The following KANK1 variants were observed in gnomAD, a reference collection of about 807,000 sequenced individuals.
KANK1 encodes KN motif and ankyrin repeat domain-containing protein 1.
In KANK1, 109 loss-of-function variants were observed where a neutral mutation model predicts 106.2. The ratio of observed to expected loss-of-function variants is 1.03; its 90% CI spans 0.88 to 1.20. The LOEUF (loss-of-function observed/expected upper bound fraction) is 1.20, where lower values mean the gene tolerates loss of function less well. KANK1 is among the 50% of genes most tolerant of loss of function. The probability of loss-of-function intolerance (pLI) is 0.00; values close to 1 mark genes in which losing one functional copy is unlikely to be tolerated. For missense variants in KANK1, 2,399 were observed against 1,710.7 expected, an observed-to-expected ratio of 1.40 and a Z score of -7.10; for synonymous variants, 873 against 652.2, an observed-to-expected ratio of 1.34 and a Z score of -5.16.
Position 482,684 on chromosome 9 carries a change from C to T in KANK1, c.-362+9411C>T, listed in dbSNP as rs1158339329. 4.6e-5 allele frequency among the ~76,000 whole-genome samples: 7 copies of T among 152,166 alleles called. No homozygotes were observed. The East Asian group carries it at 1.3e-3, about 29-fold the overall frequency. ...CCATTCATATGGATGTGTAAATGCA[C>T]CCTCAATGGCACAGAATCACCTGCT... On this transcript the variant is annotated intron_variant, in intron 3 of 15. Transcript: ENST00000382303.
intron 1 of KANK1, among the ~76,000 whole-genome samples, chr9:554,476 G>A (rs1211600016): frequency 3.3e-5 from 5 of 152,152 alleles, no homozygotes; most frequent in African/African-American, 4.8e-5. Flanking sequence ...AAAAAAGTGC[G>A]GTTTGTGGCC....
intron 1 of KANK1, among the ~76,000 whole-genome samples, chr9:654,100 T>C (rs1841540017): frequency 6.6e-6 from 1 of 152,130 alleles, no homozygotes; most frequent in African/African-American, 2.4e-5. Context: ...TAAGAGCAGA[T>C]CGTTTTTACT....
chr9:696,672 C>T (rs372179040), intron 2 of KANK1, among the ~76,000 whole-genome samples: 1 of 152,092 alleles, frequency 6.6e-6, no homozygotes, highest in Non-Finnish European at 1.5e-5. Context: ...GTTGACATTT[C>T]GTGCCACAGA....
At chr9:674,210 AC>A (rs946452749) in intron 1 of KANK1, 5 of 152,102 alleles carry the variant, frequency 3.3e-5, no homozygotes, top group Non-Finnish European at 7.3e-5. Flanking sequence ...TCAGGTGATT[AC>A]CCCTTCATCA....
intron 3 of KANK1, among the ~76,000 whole-genome samples, chr9:474,301 A>G (rs1201715366): frequency 6.6e-6 from 1 of 152,084 alleles, no homozygotes; most frequent in Non-Finnish European, 1.5e-5. Context: ...AGCCATATGG[A>G]CTAGTATTTA....
chr9:584,677 CAAAACCAGGCATG>C (rs1235484220), intron 1 of KANK1, among the ~76,000 whole-genome samples: 1 of 152,104 alleles, frequency 6.6e-6, no homozygotes, highest in African/African-American at 2.4e-5. Context: ...GTTAGGGAAC[CAAAACCAGGCATG>C]TGAGGATGGT....
chr9:489,083 G>A (rs1488332138), intron 3 of KANK1: 2 of 152,118 alleles, frequency 1.3e-5, no homozygotes, highest in African/African-American at 2.4e-5. Flanking sequence ...AATCCCCAAA[G>A]GTAGAATTTT....
intron 2 of KANK1, among the ~76,000 whole-genome samples, chr9:679,407 C>T (rs1037957584): frequency 6.7e-6 from 1 of 149,142 alleles, no homozygotes; most frequent in Non-Finnish European, 1.5e-5. Flanking sequence ...ATATATGACA[C>T]TCATAGAAAA....
intron 1 of KANK1, among the ~76,000 whole-genome samples, chr9:627,090 C>A (rs1834530978): frequency 6.6e-6 from 1 of 152,124 alleles, no homozygotes; most frequent in African/African-American, 2.4e-5. Flanking sequence ...AGAGAATGAA[C>A]AGCACAGAAT....
chr9:539,926 A>G (rs1161380369), intron 1 of KANK1, among the ~76,000 whole-genome samples: 1 of 152,206 alleles, frequency 6.6e-6, no homozygotes, highest in Non-Finnish European at 1.5e-5. Context: ...GTTTATTCTA[A>G]CAATCTTTTG....
intron 1 of KANK1, among the ~76,000 whole-genome samples, chr9:568,078 T>G (rs934767483): frequency 3.3e-5 from 5 of 152,202 alleles, no homozygotes; most frequent in African/African-American, 1.2e-4. Flanking sequence ...AGAGTTAATT[T>G]GACTAAATTC....
chr9:735,752 G>C (rs776006706), intron 7 of KANK1: 22 of 437,922 alleles, frequency 5.0e-5, no homozygotes, highest in South Asian at 3.2e-4. Context: ...CCAACACTTC[G>C]GGAGGCCGAT....
rs752436258 is a variant in KANK1, at chr9:738,329, C to T, written c.3378C>T (p.Ser1126=). ...NTLQHEWFRV[S]SQKSAIPAMV... ...TCCAGCACGAGTGGTTCCGCGTGTC[C>T]AGTCAGAAGTCAGCCATTCCAGCCA... The change falls in exon 8 of 12, where the codon TCC becomes TCT. Residue 1126 remains serine, a synonymous_variant. Coordinates refer to ENST00000382297, the MANE Select transcript of KANK1 (RefSeq NM_015158.5). The T allele has an allele frequency of 1.2e-6, 2 of 1,614,062 alleles. No individual in the cohort carries two copies. The highest frequency in any genetic ancestry group is 1.1e-5 in the South Asian group (1 of 91,038).
At chr9:655,089 G>C (rs889579820) in intron 1 of KANK1, among the ~76,000 whole-genome samples, 1 of 152,108 alleles carries the variant, frequency 6.6e-6, no homozygotes, top group Admixed American at 6.5e-5. Flanking sequence ...TAATCATCCA[G>C]CCGGGCGTGG....
At position 711,512 on chromosome 9, in the gene KANK1, C is replaced by G; in HGVS notation, c.746C>G (p.Ser249Cys). ...CACAGCCCCCTGAGCTCAGGGATCT[C>G]CACCCCAGTGACCAACGTGAGCCCC... ...IRHSPLSSGI[S>C]TPVTNVSPMH... Residue 249 changes from serine (S) to cysteine (C), a missense_variant, in exon 3 of 12, where the codon TCC (serine) becomes TGC (cysteine). Ser to Cys is a moderately radical substitution (Grantham distance 112, BLOSUM62 -1). Transcript: ENST00000382297. 6.2e-7 allele frequency: 1 copy of G among 1,614,002 alleles called. No individual in the cohort carries two copies. Among genetic ancestry groups the G allele is most frequent in the Non-Finnish European group, 8.5e-7 (1 of 1,179,962 alleles).
At chr9:604,514 C>A (rs1462694024) in intron 1 of KANK1, among the ~76,000 whole-genome samples, 1 of 151,712 alleles carries the variant, frequency 6.6e-6, no homozygotes, top group Admixed American at 6.6e-5. Flanking sequence ...AGGTCCTTGC[C>A]TCCCCTTGGC....
chr9:620,967 G>C (rs148881778), intron 1 of KANK1, among the ~76,000 whole-genome samples: 3 of 152,200 alleles, frequency 2.0e-5, no homozygotes, highest in African/African-American at 7.2e-5. Flanking sequence ...TGATTAACCA[G>C]AGTTAAGCCT....
chr9:704,209 G>A (rs1054367959), intron 2 of KANK1, among the ~76,000 whole-genome samples: 3 of 152,134 alleles, frequency 2.0e-5, no homozygotes, highest in East Asian at 1.9e-4. Flanking sequence ...CAAAACAAAC[G>A]ATAGCTAAAA....
intron 3 of KANK1, among the ~76,000 whole-genome samples, chr9:478,616 CTT>C (rs1163641146): frequency 6.6e-6 from 1 of 152,208 alleles, no homozygotes; most frequent in African/African-American, 2.4e-5. Flanking sequence ...CTAAAGCTCA[CTT>C]TCTCACAACA....
Sources: gnomAD v4.1 joint callset for allele counts (sites outside exome capture counted in the v4.1 genomes callset) on GRCh38, gnomAD v4.1.1 for gene constraint, MANE v1.5 for transcripts, NCBI Gene and HGNC (gene_info 2026-07-23, HGNC 2026-07-21) for gene names.